ADGRV1: variants seen among roughly 807,000 people sequenced by gnomAD.
ADGRV1 encodes adhesion G protein-coupled receptor V1.
ADGRV1 carries 359 observed loss-of-function variants against 596.2 expected under a neutral mutation model. The ratio of observed to expected loss-of-function variants is 0.60; its 90% CI spans 0.55 to 0.66. The LOEUF is 0.66. ADGRV1 is among the 30% of genes least tolerant of loss of function. The pLI is 0.00. For missense variants in ADGRV1, 7,274 were observed against 7,575.6 expected (o/e 0.96, Z 1.48); for synonymous variants, 2,681 against 2,679.2 (o/e 1.00, Z -0.02).
At position 90,821,824 on chromosome 5, in the gene ADGRV1, T is replaced by C. The variant is rs560641649; in HGVS notation, c.16197-1601T>C. 2.6e-5 allele frequency among the ~76,000 whole-genome samples: 4 copies of C among 152,096 alleles called. No individual in the cohort carries two copies. In the East Asian group the frequency reaches 7.8e-4, roughly 29 times the overall value. ...AGAACCACTGCTCTCTTCAAAGCTG[T>C]CAGACAGGGACATTTAAGTCTGCAG... On this transcript the variant is annotated intron_variant, in intron 75 of 89. Coordinates refer to ENST00000405460, the MANE Select transcript of ADGRV1 (RefSeq NM_032119.4).
At position 90,779,102 on chromosome 5, in the gene ADGRV1, A is replaced by G; in HGVS notation, c.13082+5A>G. 1 of 1,549,160 alleles carries G rather than the reference A, an allele frequency of 6.5e-7. No individual in the cohort carries two copies. Among genetic ancestry groups the G allele is most frequent in the Non-Finnish European group, 8.9e-7 (1 of 1,122,334 alleles). On this transcript the variant is annotated splice_donor_5th_base_variant and intron_variant, in intron 64 of 89. Coordinates refer to ENST00000405460, the MANE Select transcript of ADGRV1 (RefSeq NM_032119.4). ...AAAGGTGGAACTCCAGGGAAGGTAA[A>G]GGAGAAAGGCAATTAGGAAAAAGAA...
Position 90,681,413 on chromosome 5 carries a change from G to A in ADGRV1, c.5623G>A (p.Gly1875Arg), listed in dbSNP as rs727503075. ...TAGCCCTGAGTCACTCTTTGTCAGT[G>A]GAACTGAACCAGAAGATGGGTATAG... is the stretch of plus-strand genomic sequence containing the variant. ...EFSPESLFVS[G>R]TEPEDGYSTV... Residue 1875 changes from glycine (G) to arginine (R), a missense_variant, in exon 27 of 90, where the codon GGA becomes AGA. Gly to Arg is a moderately radical substitution (Grantham distance 125, BLOSUM62 -2). Around this residue, in one of 5 missense-constraint regions of ADGRV1, gnomAD observed 3,643 missense variants for 3,809.2 expected, o/e 0.96. Coordinates refer to ENST00000405460, the MANE Select transcript of ADGRV1 (RefSeq NM_032119.4). 3.0e-5 allele frequency: 49 copies of A among 1,613,656 alleles called. No homozygotes were observed. The highest frequency in any genetic ancestry group is 4.2e-5 in the Non-Finnish European group (49 of 1,179,758).
At chr5:90,918,165 G>A (rs926758469) in intron 83 of ADGRV1, among the ~76,000 whole-genome samples, 3 of 152,028 alleles carry the variant, frequency 2.0e-5, no homozygotes, top group Non-Finnish European at 4.4e-5. Context: ...TGCTGGATCA[G>A]TCCAATCTGG....
At chr5:90,639,932 T>C (rs1766747255) in intron 11 of ADGRV1, among the ~76,000 whole-genome samples, 1 of 152,166 alleles carries the variant, frequency 6.6e-6, no homozygotes, top group Non-Finnish European at 1.5e-5. Context: ...GTTTATAATT[T>C]CCTCTCAATG....
At chr5:90,752,183 G>A (rs1161282513) in intron 53 of ADGRV1, among the ~76,000 whole-genome samples, 1 of 152,198 alleles carries the variant, frequency 6.6e-6, no homozygotes, top group African/African-American at 2.4e-5. Flanking sequence ...TAGACAATAT[G>A]CAATTGAATG....
At chr5:90,638,084 A>C (rs1766467953) in intron 11 of ADGRV1, 136 bp downstream of exon 11, 1 of 596,950 alleles carries the variant, frequency 1.7e-6, no homozygotes, top group East Asian at 2.8e-5. Context: ...ACTGGCCTTC[A>C]GACTTTTCTG....
chr5:90,692,128 TG>T (rs1333609268), intron 31 of ADGRV1, among the ~76,000 whole-genome samples: 4 of 152,318 alleles, frequency 2.6e-5, no homozygotes, highest in Admixed American at 6.5e-5. Context: ...AAAACATTTC[TG>T]TTTTTTTCTC....
intron 50 of ADGRV1, among the ~76,000 whole-genome samples, chr5:90,732,173 AAAAAGTTTTTTTT>A (rs1345243217): frequency 6.6e-6 from 1 of 152,096 alleles, no homozygotes; most frequent in Admixed American, 6.5e-5. Context: ...CATAATTAAA[AAAAAGTTTTTTTT>A]AAAAGTGGAG....
intron 7 of ADGRV1, 94 bp from the exon 8 acceptor site, chr5:90,628,468 C>T: frequency 2.0e-6 from 2 of 981,684 alleles, no homozygotes; most frequent in Non-Finnish European, 3.1e-6. Context: ...CTGTTTTTAT[C>T]AGTGTCTAAT....
intron 4 of ADGRV1, 92 bp downstream of exon 4, chr5:90,619,273 CTG>C (rs1331326125): frequency 1.8e-6 from 1 of 544,550 alleles, no homozygotes; most frequent in African/African-American, 2.0e-5. Context: ...TAGTATCATG[CTG>C]TGTTTTGATA....
chr5:90,562,265 G>T (rs200927518), intron 1 of ADGRV1, among the ~76,000 whole-genome samples: 1 of 152,180 alleles, frequency 6.6e-6, no homozygotes, highest in Admixed American at 6.5e-5. Context: ...ATGTAGAATG[G>T]AGTAGTACAG....
intron 89 of ADGRV1, among the ~76,000 whole-genome samples, chr5:91,159,989 C>A (rs187298271): frequency 6.6e-6 from 1 of 152,332 alleles, no homozygotes; most frequent in Non-Finnish European, 1.5e-5. Flanking sequence ...AGAAAGGAGT[C>A]TTTCTTCAGC....
intron 82 of ADGRV1, among the ~76,000 whole-genome samples, chr5:90,858,381 A>G (rs1332463349): frequency 6.6e-6 from 1 of 152,226 alleles, no homozygotes; most frequent in Non-Finnish European, 1.5e-5. Context: ...CTGCCTTCCC[A>G]TAACTCTTTT....
At chr5:90,943,298 C>G (rs1776311979) in intron 83 of ADGRV1, among the ~76,000 whole-genome samples, 1 of 152,046 alleles carries the variant, frequency 6.6e-6, no homozygotes, top group African/African-American at 2.4e-5. Flanking sequence ...GTGAGAAAAG[C>G]TTTAACCACT....
intron 83 of ADGRV1, among the ~76,000 whole-genome samples, chr5:90,934,692 CT>C (rs1293045293): frequency 6.6e-6 from 1 of 152,186 alleles, no homozygotes; most frequent in Non-Finnish European, 1.5e-5. Flanking sequence ...TCAGCTAGGG[CT>C]GCCATAACAA....
At chr5:90,644,893 G>T in intron 15 of ADGRV1, 24 bp downstream of exon 15, 1 of 1,483,972 alleles carries the variant, frequency 6.7e-7, no homozygotes, top group Non-Finnish European at 9.1e-7. Context: ...ATAACTTTCT[G>T]CCTTACTTGT....
intron 59 of ADGRV1, among the ~76,000 whole-genome samples, chr5:90,766,122 G>A (rs1172128065): frequency 1.3e-5 from 2 of 152,038 alleles, no homozygotes. Flanking sequence ...TGTTAGCCAG[G>A]ATGGTCTTGA....
At chr5:90,916,464 T>C (rs927750997) in intron 83 of ADGRV1, among the ~76,000 whole-genome samples, 1 of 152,100 alleles carries the variant, frequency 6.6e-6, no homozygotes, top group Non-Finnish European at 1.5e-5. Context: ...GGCCCAGGCA[T>C]TGAATTTTTA....
intron 89 of ADGRV1, among the ~76,000 whole-genome samples, chr5:91,156,420 C>A (rs1255761252): frequency 6.6e-6 from 1 of 152,070 alleles, no homozygotes; most frequent in African/African-American, 2.4e-5. Context: ...TGATTAGCTG[C>A]ACAAAACTTT....
Sources: allele counts gnomAD v4.1 joint callset (sites outside exome capture counted in the v4.1 genomes callset), GRCh38; gene constraint gnomAD v4.1.1; regional missense constraint gnomAD v4.1.1; transcripts MANE v1.5; gene names NCBI Gene and HGNC (gene_info 2026-07-23, HGNC 2026-07-21).